Variants in ARHGAP28 observed in about 807,000 individuals in gnomAD.
The protein encoded by ARHGAP28 is rho GTPase-activating protein 28.
Under a neutral mutation model 90.7 loss-of-function variants are expected in ARHGAP28, and 56 were observed. The observed-to-expected ratio is 0.62, with a 90% confidence interval of 0.50 to 0.77. The LOEUF (loss-of-function observed/expected upper bound fraction) is 0.77. Among genes scored for constraint, ARHGAP28 ranks in the 30% least tolerant of loss-of-function variants. ARHGAP28 has a pLI of 0.00. For missense variants in ARHGAP28, 869 were observed against 900.9 expected (o/e 0.96, Z 0.45); for synonymous variants, 308 against 323.3 (o/e 0.95, Z 0.51).
chr18:6,762,886 C>G (rs4633801), intron 1 of ARHGAP28, among the ~76,000 whole-genome samples: 100,816 of 151,964 alleles, frequency 0.66, 35,513 homozygotes, highest in Admixed American at 0.78. Context: ...TATGGCAGCT[C>G]AAGCAGAGTA....
intron 1 of ARHGAP28, among the ~76,000 whole-genome samples, chr18:6,751,597 T>C (rs1248799922): frequency 6.6e-6 from 1 of 152,154 alleles, no homozygotes; most frequent in Non-Finnish European, 1.5e-5. Context: ...AGCTGGAGTA[T>C]AGAAAGGCAA....
At chr18:6,903,244 T>TTATGAATA (rs2057346944) in intron 16 of ARHGAP28, among the ~76,000 whole-genome samples, 1 of 152,154 alleles carries the variant, frequency 6.6e-6, no homozygotes, top group South Asian at 2.1e-4. Flanking sequence ...TTGTACAACA[T>TTATGAATA]TATGAATATA....
At chr18:6,859,656 T>C (rs2056982295) in intron 4 of ARHGAP28, 152 bp from the exon 5 acceptor site, 2 of 739,508 alleles carry the variant, frequency 2.7e-6, no homozygotes, top group Non-Finnish European at 4.5e-6. Context: ...ATAATAGTGC[T>C]GCACTACCAG....
chr18:6,887,825 G>C (rs1241236376), intron 12 of ARHGAP28, among the ~76,000 whole-genome samples: 1 of 152,122 alleles, frequency 6.6e-6, no homozygotes, highest in Non-Finnish European at 1.5e-5. Flanking sequence ...GAGTAGAAGA[G>C]GCAAAAATGA....
chr18:6,767,492 T>C (rs2056208901), intron 1 of ARHGAP28, among the ~76,000 whole-genome samples: 1 of 152,182 alleles, frequency 6.6e-6, no homozygotes, highest in South Asian at 2.1e-4. Context: ...TCTAGTATTT[T>C]TTTTCTAGTG....
intron 10 of ARHGAP28, among the ~76,000 whole-genome samples, chr18:6,878,655 G>A (rs2057153166): frequency 6.6e-6 from 1 of 152,096 alleles, no homozygotes; most frequent in African/African-American, 2.4e-5. Context: ...CCACATACAG[G>A]TCAGTCTTTT....
chr18:6,836,502 G>A (rs1273971806), intron 2 of ARHGAP28, among the ~76,000 whole-genome samples: 1 of 152,092 alleles, frequency 6.6e-6, no homozygotes, highest in Non-Finnish European at 1.5e-5. Flanking sequence ...GTGGGTGTGG[G>A]TTGGTGGGAT....
rs1230838649 is a variant in ARHGAP28, at chr18:6,834,536, AAATGTAAGC to A, written c.326-2660_326-2652del. Reference sequence around the variant, plus strand: ...GAGAGTATGGTATAAGCATGTCCAGAAATGTAAGCCGTTTCACACTGTAGAATTATTTTT... The same window carrying A: ...GAGAGTATGGTATAAGCATGTCCAGACGTTTCACACTGTAGAATTATTTTT... On this transcript the variant is annotated intron_variant, in intron 2 of 17. Transcript: ENST00000383472. 3 of 152,330 alleles carry A rather than the reference AAATGTAAGC, an allele frequency of 2.0e-5. No homozygotes were observed. In the East Asian group the frequency reaches 5.8e-4, roughly 29 times the overall value. The allele number at this position is 152,330 out of a possible 1,614,324, so 9.4% of individuals were successfully genotyped here.
chr18:6,911,723 A>G (rs6506453), intron 17 of ARHGAP28, among the ~76,000 whole-genome samples: 123,381 of 152,080 alleles, frequency 0.81, 50,333 homozygotes, highest in Non-Finnish European at 0.86. Context: ...GGTGTGAGCC[A>G]CTGCGCCCAG....
At chr18:6,766,013 ACTTGTTTTATGG>A (rs1380655046) in intron 1 of ARHGAP28, among the ~76,000 whole-genome samples, 2 of 152,124 alleles carry the variant, frequency 1.3e-5, no homozygotes, top group Non-Finnish European at 2.9e-5. Context: ...ATTTCTTGAG[ACTTGTTTTATGG>A]CTTGTCATAT....
intron 1 of ARHGAP28, among the ~76,000 whole-genome samples, chr18:6,770,777 G>T (rs1363035051): frequency 6.6e-6 from 1 of 152,022 alleles, no homozygotes; most frequent in South Asian, 2.1e-4. Flanking sequence ...GAGGGAAGAG[G>T]TGTGGGAGGT....
intron 1 of ARHGAP28, among the ~76,000 whole-genome samples, chr18:6,776,313 G>C (rs750966844): frequency 3.9e-5 from 6 of 152,160 alleles, no homozygotes; most frequent in Non-Finnish European, 5.9e-5. Context: ...AAACCCCAGC[G>C]GTGGTGTTTT....
intron 3 of ARHGAP28, among the ~76,000 whole-genome samples, chr18:6,847,184 G>C (rs2056872086): frequency 6.6e-6 from 1 of 152,112 alleles, no homozygotes; most frequent in African/African-American, 2.4e-5. Flanking sequence ...GTACGGCAGG[G>C]AGAACCTGCT....
At chr18:6,885,200 G>A (rs779415349) in intron 11 of ARHGAP28, among the ~76,000 whole-genome samples, 3 of 152,114 alleles carry the variant, frequency 2.0e-5, no homozygotes, top group South Asian at 2.1e-4. Context: ...ACATTCCTTC[G>A]TATGACTTTG....
intron 4 of ARHGAP28, among the ~76,000 whole-genome samples, chr18:6,852,665 C>T (rs2056919747): frequency 1.3e-5 from 2 of 152,076 alleles, no homozygotes; most frequent in Non-Finnish European, 2.9e-5. Flanking sequence ...TTTTTCCTTT[C>T]GTGTTGCCGC....
rs1335516364 is a variant in ARHGAP28, at chr18:6,729,956, G to A, written c.122+13G>A. Reference sequence around the variant, plus strand: ...ACCCGCTCAGCAGGTACCCGGAGCCGCTCCCACCAGGGCGGCGCAGTCGCG... The same window carrying A: ...ACCCGCTCAGCAGGTACCCGGAGCCACTCCCACCAGGGCGGCGCAGTCGCG... On this transcript the variant is annotated intron_variant, in intron 1 of 17. Transcript: ENST00000383472. 9 of 1,345,762 alleles carry A rather than the reference G, an allele frequency of 6.7e-6. No homozygotes were observed. The highest frequency in any genetic ancestry group is 6.6e-6 in the Non-Finnish European group (7 of 1,053,440). The allele number at this position is 1,345,762 out of a possible 1,614,324, so 83.4% of individuals were successfully genotyped here.
At chr18:6,831,432 G>A (rs905469727) in intron 2 of ARHGAP28, among the ~76,000 whole-genome samples, 1 of 141,754 alleles carries the variant, frequency 7.1e-6, no homozygotes, top group African/African-American at 2.6e-5. Flanking sequence ...GTTGTTTGTT[G>A]CTGGCATATA....
At chr18:6,760,681 A>T (rs2056152231) in intron 1 of ARHGAP28, among the ~76,000 whole-genome samples, 1 of 152,220 alleles carries the variant, frequency 6.6e-6, no homozygotes, top group Non-Finnish European at 1.5e-5. Flanking sequence ...ATTTATTATT[A>T]TCCAAAGCTT....
At chr18:6,851,263 T>G in intron 4 of ARHGAP28, 137 bp downstream of exon 4, 10 of 741,580 alleles carry the variant, frequency 1.3e-5, no homozygotes, top group Non-Finnish European at 2.0e-5. Context: ...TTATCTACCT[T>G]AGGTGATTTT....
Sources: gnomAD v4.1 joint callset for allele counts (sites outside exome capture counted in the v4.1 genomes callset) on GRCh38, gnomAD v4.1.1 for gene constraint, MANE v1.5 for transcripts, NCBI Gene and HGNC (gene_info 2026-07-23, HGNC 2026-07-21) for gene names.